CPSF6: variants seen among roughly 807,000 people sequenced by gnomAD.
CPSF6 encodes cleavage and polyadenylation specific factor 6, also known as cleavage and polyadenylation specificity factor subunit 6.
Under a neutral mutation model 56.7 loss-of-function variants are expected in CPSF6, and 10 were observed. That is an observed-to-expected ratio of 0.18 (90% CI 0.11 to 0.30). The LOEUF is 0.30. Ranked by LOEUF, CPSF6 falls within the 10% of genes least tolerant of loss-of-function variation. The probability of loss-of-function intolerance (pLI) is 1.00; values close to 1 mark genes in which losing one functional copy is unlikely to be tolerated. For missense variants in CPSF6, 419 were observed against 722.9 expected (o/e 0.58, Z 4.82); for synonymous variants, 248 against 244.8 (o/e 1.01, Z -0.12).
At chr12:69,240,825 G>A (rs991758963) in intron 1 of CPSF6, among the ~76,000 whole-genome samples, 1 of 152,088 alleles carries the variant, frequency 6.6e-6, no homozygotes, top group Non-Finnish European at 1.5e-5. Flanking sequence ...AAAAGATGTC[G>A]TTTGTTGCTA....
chr12:69,268,992 A>G (rs1873124070), intron 9 of CPSF6, among the ~76,000 whole-genome samples: 1 of 151,908 alleles, frequency 6.6e-6, no homozygotes. Context: ...ATTTTGTAAC[A>G]TGGAACACCA....
chr12:69,246,977 ACTG>A (rs1565643089), intron 1 of CPSF6, among the ~76,000 whole-genome samples: 1 of 152,140 alleles, frequency 6.6e-6, no homozygotes, highest in Non-Finnish European at 1.5e-5. Flanking sequence ...GAATGATATT[ACTG>A]TAATTTTAGA....
intron 8 of CPSF6, 133 bp downstream of exon 8, chr12:69,260,330 T>TA: frequency 3.0e-6 from 2 of 665,142 alleles, no homozygotes; most frequent in East Asian, 2.9e-5. Context: ...TTTTTTTTTT[T>TA]AACTCTAAAT....
chr12:69,250,601 AAAAAAAG>A (rs2120493945), intron 1 of CPSF6, among the ~76,000 whole-genome samples: 1 of 107,628 alleles, frequency 9.3e-6, no homozygotes, highest in African/African-American at 3.8e-5. Context: ...AAAAAAAAAA[AAAAAAAG>A]AAAAAAAAGA....
At chr12:69,245,799 G>C (rs1402502228) in intron 1 of CPSF6, among the ~76,000 whole-genome samples, 1 of 152,190 alleles carries the variant, frequency 6.6e-6, no homozygotes, top group Non-Finnish European at 1.5e-5. Context: ...TAAAATGGAA[G>C]TGTAGGCCAG....
At chr12:69,261,805 C>G (rs1033308417) in intron 8 of CPSF6, among the ~76,000 whole-genome samples, 4 of 152,108 alleles carry the variant, frequency 2.6e-5, no homozygotes, top group African/African-American at 9.7e-5. Context: ...TTATTAAATA[C>G]AATGTGAATA....
intron 2 of CPSF6, among the ~76,000 whole-genome samples, chr12:69,251,632 C>T (rs1872248438): frequency 6.6e-6 from 1 of 151,972 alleles, no homozygotes; most frequent in African/African-American, 2.4e-5. Context: ...ACCTTGCTTC[C>T]GATAGCCCAG....
chr12:69,261,469 G>C (rs1425845025), intron 8 of CPSF6, among the ~76,000 whole-genome samples: 1 of 150,166 alleles, frequency 6.7e-6, no homozygotes, highest in Admixed American at 6.6e-5. Context: ...GGAGGCTGTG[G>C]TGGGAGGGTT....
rs1481766257 is a variant in CPSF6 at position 69,270,439 on chromosome 12, A to G, written c.*931A>G. 6.6e-6 allele frequency: 1 copy of G among 151,984 alleles called. No homozygotes were observed. The highest frequency in any genetic ancestry group is 1.5e-5 in the Non-Finnish European group (1 of 67,684). 9.4% of individuals were successfully genotyped at this position (151,984 alleles called of 1,614,324 possible). Reference sequence around the variant, plus strand: ...AAGAAATTTTGACAATTCCGATTTGATGCTGCAATTACTTGCTGTTTTTAT... The same window carrying G: ...AAGAAATTTTGACAATTCCGATTTGGTGCTGCAATTACTTGCTGTTTTTAT... On this transcript the variant is annotated 3_prime_UTR_variant, in exon 10 of 10. Transcript: ENST00000435070.
chr12:69,244,652 C>T (rs886928422), intron 1 of CPSF6, among the ~76,000 whole-genome samples: 1 of 151,934 alleles, frequency 6.6e-6, no homozygotes, highest in Non-Finnish European at 1.5e-5. Context: ...CCTCAGCCTC[C>T]CAAAGGAGGC....
intron 1 of CPSF6, among the ~76,000 whole-genome samples, chr12:69,242,408 T>C (rs1024506228): frequency 2.4e-4 from 37 of 152,226 alleles, no homozygotes; most frequent in African/African-American, 7.5e-4. Context: ...TTTGCATCTA[T>C]TGAAGTAGAA....
Position 69,267,231 on chromosome 12 carries a change from ACTAATT to A in CPSF6, c.*4-2276_*4-2271del, listed in dbSNP as rs1873033991. Among the ~76,000 whole-genome samples, 16 of 152,178 alleles carry A rather than the reference ACTAATT, an allele frequency of 1.1e-4. No individual in the cohort carries two copies. The South Asian group carries it at 3.3e-3, about 32-fold the overall frequency. On this transcript the variant is annotated intron_variant, in intron 9 of 9. Coordinates refer to ENST00000435070, the MANE Select transcript of CPSF6 (RefSeq NM_007007.3). ...GATGAATTTACCATGAATTTAAAAT[ACTAATT>A]CTAACAAATGTGCATAGATAAATTT...
At chr12:69,246,800 T>C (rs550614204) in intron 1 of CPSF6, among the ~76,000 whole-genome samples, 1 of 152,312 alleles carries the variant, frequency 6.6e-6, no homozygotes, top group Admixed American at 6.5e-5. Flanking sequence ...TTACTGATAG[T>C]ATCATATAAT....
rs76282882 is a variant in CPSF6, at chr12:69,247,134, A to G, written c.61-3995A>G. ...AGGGGTAATTAGGGAAAAAATGTCT[A>G]AAAGTAACTTCTTGAAGGGAGGGAG... On this transcript the variant is annotated intron_variant, in intron 1 of 9. Transcript: ENST00000435070. Among the ~76,000 whole-genome samples, 455 of 152,222 alleles carry G rather than the reference A, an allele frequency of 3.0e-3. 13 individuals carry two copies. In the East Asian group the frequency reaches 0.056, roughly 19 times the overall value.
chr12:69,268,862 A>G (rs1360977120), intron 9 of CPSF6, among the ~76,000 whole-genome samples: 1 of 151,698 alleles, frequency 6.6e-6, no homozygotes, highest in Non-Finnish European at 1.5e-5. Flanking sequence ...AGGTATTTCT[A>G]TATAGGTGGA....
chr12:69,262,572 C>T lies in CPSF6; in HGVS notation c.*3+10C>T, dbSNP rs368745451. On this transcript the variant is annotated intron_variant, in intron 9 of 9. Coordinates refer to ENST00000435070, the MANE Select transcript of CPSF6 (RefSeq NM_007007.3). Reference sequence around the variant, plus strand: ...TCGTCATCGTTAGAAGGTGGGTATTCCTTGTTCCCTGTTAAATGTGTGTGT... The same window carrying T: ...TCGTCATCGTTAGAAGGTGGGTATTTCTTGTTCCCTGTTAAATGTGTGTGT... 3.7e-5 allele frequency: 59 copies of T among 1,601,554 alleles called. No homozygotes were observed. Among genetic ancestry groups the T allele is most frequent in the Non-Finnish European group, 4.7e-5 (55 of 1,173,242 alleles).
At chr12:69,255,786 C>G (rs903021829) in intron 3 of CPSF6, among the ~76,000 whole-genome samples, 1 of 152,104 alleles carries the variant, frequency 6.6e-6, no homozygotes, top group Non-Finnish European at 1.5e-5. Context: ...ATCCTCCTGC[C>G]TTGGCCTCCC....
chr12:69,249,168 G>GGGGGGGC (rs1565644117), intron 1 of CPSF6, among the ~76,000 whole-genome samples: 1 of 33,908 alleles, frequency 2.9e-5, no homozygotes, highest in African/African-American at 1.3e-4. Flanking sequence ...GGGGGGGGGG[G>GGGGGGGC]GCTGAGGCAG....
In CPSF6 at chr12:69,262,388, A is replaced by G. The variant is rs754454619; in HGVS notation, c.1485A>G (p.Arg495=). Reference sequence around the variant, plus strand: ...CTTTTAGAAGACGTGAACGATCAAGAGAGAGGGACCATAGTAGATCACGAG... The same window carrying G: ...CTTTTAGAAGACGTGAACGATCAAGGGAGAGGGACCATAGTAGATCACGAG... ...YGSGSRRERS[R]ERDHSRSREK... is the part of the protein sequence containing the mutation. The change falls in exon 9 of 10, where the codon AGA becomes AGG. Residue 495 remains arginine, a synonymous_variant. Coordinates refer to ENST00000435070, the MANE Select transcript of CPSF6 (RefSeq NM_007007.3). 4 of 1,600,880 alleles carry G rather than the reference A, an allele frequency of 2.5e-6. No homozygotes were observed. Among genetic ancestry groups the G allele is most frequent in the Non-Finnish European group, 3.4e-6 (4 of 1,171,346 alleles).
Sources: gnomAD v4.1 joint callset for allele counts (sites outside exome capture counted in the v4.1 genomes callset) on GRCh38, gnomAD v4.1.1 for gene constraint, MANE v1.5 for transcripts, NCBI Gene and HGNC (gene_info 2026-07-23, HGNC 2026-07-21) for gene names.